Variants in KIAA1549L observed in about 807,000 individuals in gnomAD.
The protein encoded by KIAA1549L is UPF0606 protein KIAA1549L.
A neutral mutation model predicts 160.7 loss-of-function variants in KIAA1549L; 88 were observed. The ratio of observed to expected loss-of-function variants is 0.55; its 90% CI spans 0.46 to 0.65. The LOEUF is 0.65. KIAA1549L is among the 30% of genes least tolerant of loss of function. The pLI, the probability that KIAA1549L is intolerant of heterozygous loss-of-function variation, is 0.00. For synonymous variants in KIAA1549L, 950 were observed against 976.7 expected (o/e 0.97, Z 0.51); for missense variants, 2,258 against 2,437.5 (o/e 0.93, Z 1.55).
Position 33,590,289 on chromosome 11 carries a change from G to C in KIAA1549L, c.4567-948G>C, listed in dbSNP as rs568783271. 1.9e-4 allele frequency among the ~76,000 whole-genome samples: 29 copies of C among 152,282 alleles called. No homozygotes were observed. The South Asian group carries it at 5.8e-3, about 31-fold the overall frequency. ...CAGAGAGTTGCAGTAACTTACCCAA[G>C]GTCACACAGCTAATGAATGACGGAG... On this transcript the variant is annotated intron_variant, in intron 11 of 20. Transcript: ENST00000658780.
At chr11:33,487,619 A>G (rs769061547) in intron 1 of KIAA1549L, among the ~76,000 whole-genome samples, 2 of 152,044 alleles carry the variant, frequency 1.3e-5, no homozygotes, top group Non-Finnish European at 2.9e-5. Context: ...CTGTGAATGC[A>G]TTTTAGAATT....
At position 33,408,489 on chromosome 11, in the gene KIAA1549L, G is replaced by GTGTGTATATATA. The variant is rs34208718; in HGVS notation, c.238+31601_238+31602insGTGTATATATAT. ...ATATATATACATACTCTGTATATGTGTATATATATATATATATATATACAC... is the reference window on the plus strand; with the variant it reads ...ATATATATACATACTCTGTATATGTGTGTGTATATATATATATATATATATATATATATACAC... On this transcript the variant is annotated intron_variant, in intron 1 of 20. Coordinates refer to ENST00000658780, the MANE Select transcript of KIAA1549L (RefSeq NM_012194.3). 2.1e-3 allele frequency among the ~76,000 whole-genome samples: 262 copies of GTGTGTATATATA among 123,058 alleles called. 1 individual carries two copies. Among genetic ancestry groups the GTGTGTATATATA allele is most frequent in the African/African-American group, 7.6e-3 (236 of 31,008 alleles). 80.7% of individuals were successfully genotyped at this position (123,058 alleles called of 152,430 possible). A position where few individuals can be genotyped will look rare whatever the true frequency, so the allele number is the denominator to read the frequency against.
At chr11:33,442,134 C>T (rs890780344) in intron 1 of KIAA1549L, among the ~76,000 whole-genome samples, 1 of 152,038 alleles carries the variant, frequency 6.6e-6, no homozygotes, top group African/African-American at 2.4e-5. Context: ...CAGCTTTCTA[C>T]ATATGGCTAG....
Position 33,429,857 on chromosome 11 carries a change from C to T in KIAA1549L, c.238+52968C>T, listed in dbSNP as rs1021179356. Among the ~76,000 whole-genome samples, 4 of 152,170 alleles carry T rather than the reference C, an allele frequency of 2.6e-5. No individual in the cohort carries two copies. The South Asian group carries it at 8.3e-4, about 32-fold the overall frequency. ...ACTGCAGTCATCTGGACCCAAATCA[C>T]TGATTTGTGAGTGGAATCCTGAAGT... On this transcript the variant is annotated intron_variant, in intron 1 of 20. Coordinates refer to ENST00000658780, the MANE Select transcript of KIAA1549L (RefSeq NM_012194.3).
intron 1 of KIAA1549L, among the ~76,000 whole-genome samples, chr11:33,461,217 A>C (rs1851935702): frequency 2.0e-5 from 3 of 150,384 alleles, no homozygotes; most frequent in Non-Finnish European, 4.5e-5. Flanking sequence ...AAAGGAAAAA[A>C]TGATATTTAA....
chr11:33,484,489 A>G (rs960883074), intron 1 of KIAA1549L, among the ~76,000 whole-genome samples: 3 of 152,232 alleles, frequency 2.0e-5, no homozygotes, highest in Non-Finnish European at 4.4e-5. Flanking sequence ...TCCGCCATTT[A>G]TAGTCGGAGT....
Position 33,668,414 on chromosome 11 carries a change from T to C in KIAA1549L, c.*260T>C, listed in dbSNP as rs1852560163. On this transcript the variant is annotated 3_prime_UTR_variant, in exon 21 of 21. Coordinates refer to ENST00000658780, the MANE Select transcript of KIAA1549L (RefSeq NM_012194.3). ...CTCTCTCATGTCAAATGTTTGAACT[T>C]TGGGCATGTGCCCTATGGAAGCTTA... 5.8e-6 allele frequency: 3 copies of C among 518,770 alleles called. No individual in the cohort carries two copies. The highest frequency in any genetic ancestry group is 1.0e-5 in the Non-Finnish European group (3 of 289,676). 32.1% of individuals were successfully genotyped at this position (518,770 alleles called of 1,614,324 possible).
intron 1 of KIAA1549L, among the ~76,000 whole-genome samples, chr11:33,473,388 T>C (rs531738755): frequency 6.6e-6 from 1 of 152,282 alleles, no homozygotes; most frequent in South Asian, 2.1e-4. Flanking sequence ...GAACAGGGGA[T>C]ACTTCCTGGA....
intron 1 of KIAA1549L, among the ~76,000 whole-genome samples, chr11:33,464,442 A>G (rs1852002377): frequency 6.6e-6 from 1 of 151,656 alleles, no homozygotes; most frequent in African/African-American, 2.4e-5. Context: ...GTCACGCATC[A>G]TAGGCCCAAA....
intron 1 of KIAA1549L, among the ~76,000 whole-genome samples, chr11:33,387,947 G>T (rs1232195547): frequency 1.3e-5 from 2 of 152,178 alleles, no homozygotes; most frequent in African/African-American, 2.4e-5. Context: ...CCCACAGTTT[G>T]CTGTCATAGT....
rs1407613204 is a variant in KIAA1549L, at chr11:33,545,334, C to A, written c.3341C>A (p.Ser1114Tyr). 6.2e-7 allele frequency: 1 copy of A among 1,612,648 alleles called. No homozygotes were observed. The highest frequency in any genetic ancestry group is 1.7e-5 in the Admixed American group (1 of 59,932). ...GTGGTCACGACTGGCAAAATGGCAT[C>A]CAACCTGGAGTGTCAGATGTCCAGT... The part of the protein sequence containing the change: ...AAVVTTGKMA[S>Y]NLECQMSSKL... The change falls in exon 3 of 21, where the codon TCC (serine) becomes TAC (tyrosine). Residue 1114 changes from serine to tyrosine, a missense_variant. By Grantham distance (144) the Ser-to-Tyr change is moderately radical. Transcript: ENST00000658780.
At chr11:33,566,421 A>G (rs1855051278) in intron 8 of KIAA1549L, among the ~76,000 whole-genome samples, 2 of 152,184 alleles carry the variant, frequency 1.3e-5, no homozygotes, top group Non-Finnish European at 2.9e-5. Context: ...CCATGATCTG[A>G]TAGCTGTGTC....
chr11:33,411,262 G>A (rs1336819163), intron 1 of KIAA1549L, among the ~76,000 whole-genome samples: 2 of 152,098 alleles, frequency 1.3e-5, no homozygotes, highest in East Asian at 1.9e-4. Flanking sequence ...TTACTTTATT[G>A]GTTTTGAAAT....
At chr11:33,652,617 T>C (rs1403752700) in intron 17 of KIAA1549L, among the ~76,000 whole-genome samples, 2 of 152,120 alleles carry the variant, frequency 1.3e-5, no homozygotes, top group Non-Finnish European at 2.9e-5. Flanking sequence ...CAACCTGAGA[T>C]AAAAATAGGT....
At chr11:33,415,903 G>A (rs1590229595) in intron 1 of KIAA1549L, among the ~76,000 whole-genome samples, 1 of 151,812 alleles carries the variant, frequency 6.6e-6, no homozygotes, top group Non-Finnish European at 1.5e-5. Context: ...GCGTGATCTC[G>A]GTTCACTGCA....
chr11:33,425,748 A>G (rs1336065255), intron 1 of KIAA1549L, among the ~76,000 whole-genome samples: 2 of 152,210 alleles, frequency 1.3e-5, no homozygotes, highest in Admixed American at 6.5e-5. Flanking sequence ...AACCCAGCAA[A>G]CACTACTTTA....
chr11:33,417,676 C>T (rs1282570975), intron 1 of KIAA1549L, among the ~76,000 whole-genome samples: 2 of 152,184 alleles, frequency 1.3e-5, no homozygotes, highest in African/African-American at 4.8e-5. Context: ...CTCAAATGTT[C>T]ACTAGAGATT....
intron 1 of KIAA1549L, among the ~76,000 whole-genome samples, chr11:33,394,418 T>TAAATAAAC (rs543989703): frequency 4.1e-5 from 1 of 24,216 alleles, no homozygotes; most frequent in African/African-American, 1.0e-4. Context: ...AATAAATAAA[T>TAAATAAAC]AAACAAACAA....
At chr11:33,598,481 G>T (rs1345066786) in intron 12 of KIAA1549L, among the ~76,000 whole-genome samples, 3 of 152,090 alleles carry the variant, frequency 2.0e-5, no homozygotes, top group Non-Finnish European at 2.9e-5. Context: ...CCAGAGTGCT[G>T]GGTATTAAAA....
Sources: gnomAD v4.1 joint callset for allele counts (sites outside exome capture counted in the v4.1 genomes callset) on GRCh38, gnomAD v4.1.1 for gene constraint, MANE v1.5 for transcripts, NCBI Gene and HGNC (gene_info 2026-07-23, HGNC 2026-07-21) for gene names.